Variants in FMN2 observed in about 807,000 individuals in gnomAD.
FMN2 encodes the protein formin 2.
Under a neutral mutation model 142.3 loss-of-function variants are expected in FMN2, and 51 were observed. The ratio of observed to expected loss-of-function variants is 0.36; its 90% confidence interval spans 0.29 to 0.45. FMN2 has a LOEUF of 0.45. Among genes scored for constraint, FMN2 ranks in the 20% least tolerant of loss-of-function variants. FMN2 has a pLI of 1.00. For synonymous variants in FMN2, 882 were observed against 869.8 expected (o/e 1.01, Z -0.25); for missense variants, 1,936 against 2,122.8 (o/e 0.91, Z 1.73).
At chr1:240,442,427 G>A (rs996654164) in intron 16 of FMN2, among the ~76,000 whole-genome samples, 5 of 152,216 alleles carry the variant, frequency 3.3e-5, no homozygotes, top group African/African-American at 1.2e-4. Flanking sequence ...ATGATCAACA[G>A]TTCCCTTCAG....
chr1:240,215,719 CT>C (rs544095532), intron 6 of FMN2, among the ~76,000 whole-genome samples: 4 of 151,758 alleles, frequency 2.6e-5, no homozygotes, highest in Non-Finnish European at 5.9e-5. Context: ...TTCTTTCTTT[CT>C]TTTTTTTAAA....
At chr1:240,289,903 A>T (rs1227563811) in intron 7 of FMN2, among the ~76,000 whole-genome samples, 1 of 152,214 alleles carries the variant, frequency 6.6e-6, no homozygotes, top group Non-Finnish European at 1.5e-5. Context: ...AAACATTCAT[A>T]CAGATAGATT....
chr1:240,138,151 G>A (rs954516528), intron 2 of FMN2, among the ~76,000 whole-genome samples: 2 of 151,810 alleles, frequency 1.3e-5, no homozygotes. Flanking sequence ...TGGAAGAAAC[G>A]TTTAAGAAGT....
intron 1 of FMN2, among the ~76,000 whole-genome samples, chr1:240,116,463 G>C (rs1427750427): frequency 6.6e-6 from 1 of 152,210 alleles, no homozygotes; most frequent in East Asian, 1.9e-4. Context: ...CATTAAAAGG[G>C]ACTTGGGAGA....
chr1:240,093,467 G>A lies in FMN2; in HGVS notation c.1358G>A (p.Arg453Gln), dbSNP rs147961923. Residue 453 changes from arginine (R) to glutamine (Q), a missense_variant, in exon 1 of 18, where the codon CGA (arginine) becomes CAA (glutamine). Coordinates refer to ENST00000319653, the MANE Select transcript of FMN2 (RefSeq NM_020066.5). ...IKRRPEPSLS[R>Q]GSRTALASVA... ...AGGCGGCCGGAACCCTCCCTGAGCC[G>A]AGGGTCCAGAACTGCCCTGGCCTCC... 2.3e-4 allele frequency: 367 copies of A among 1,613,130 alleles called. 1 individual carries two copies. In the African/African-American group the frequency reaches 4.3e-3, roughly 19 times the overall value.
At chr1:240,346,650 A>G (rs1476304350) in intron 13 of FMN2, among the ~76,000 whole-genome samples, 1 of 152,212 alleles carries the variant, frequency 6.6e-6, no homozygotes, top group Non-Finnish European at 1.5e-5. Context: ...TAGTCTTTAC[A>G]TGTAACGTAC....
At chr1:240,108,082 C>T (rs1335060172) in intron 1 of FMN2, among the ~76,000 whole-genome samples, 1 of 152,128 alleles carries the variant, frequency 6.6e-6, no homozygotes, top group African/African-American at 2.4e-5. Context: ...TACCTGGATT[C>T]AGTGAATTTT....
intron 16 of FMN2, among the ~76,000 whole-genome samples, chr1:240,444,901 G>T (rs1301616230): frequency 1.3e-5 from 2 of 152,312 alleles, no homozygotes; most frequent in East Asian, 3.9e-4. Flanking sequence ...TACTCTTATG[G>T]AATAACGTAC....
chr1:240,270,077 G>A (rs1007532337), intron 7 of FMN2, among the ~76,000 whole-genome samples: 2 of 152,108 alleles, frequency 1.3e-5, no homozygotes, highest in Non-Finnish European at 2.9e-5. Flanking sequence ...TTGAACAGAT[G>A]TGGTGAGAGT....
At chr1:240,283,649 T>A (rs977259458) in intron 7 of FMN2, among the ~76,000 whole-genome samples, 8 of 152,166 alleles carry the variant, frequency 5.3e-5, no homozygotes, top group Non-Finnish European at 8.8e-5. Context: ...TTAAAAATCT[T>A]CTTGGAGCGA....
chr1:240,346,415 G>A (rs997392246), intron 13 of FMN2, among the ~76,000 whole-genome samples: 23 of 151,908 alleles, frequency 1.5e-4, no homozygotes, highest in African/African-American at 5.6e-4. Context: ...AATATTTTCC[G>A]ACTGTGCTTA....
chr1:240,096,380 A>C (rs1447253200), intron 1 of FMN2, among the ~76,000 whole-genome samples: 1 of 152,212 alleles, frequency 6.6e-6, no homozygotes, highest in Non-Finnish European at 1.5e-5. Flanking sequence ...TGTTGGCCAG[A>C]GTGAACCAGA....
In FMN2 at chr1:240,473,603, G is replaced by A. The variant is rs1025965971; in HGVS notation, c.5143-525G>A. 6.6e-6 allele frequency among the ~76,000 whole-genome samples: 1 copy of A among 152,154 alleles called. No homozygotes were observed. Among genetic ancestry groups the A allele is most frequent in the Non-Finnish European group, 1.5e-5 (1 of 68,034 alleles). ...GGAATTATATCTTCATTTAGAAGCA[G>A]TGGTGCCTTCAGTTTCTCTGTATCA... On this transcript the variant is annotated intron_variant, in intron 17 of 17. Coordinates refer to ENST00000319653, the MANE Select transcript of FMN2 (RefSeq NM_020066.5). This position sits in a 1 kb window ranked among gnomAD's most constrained non-coding sequence, Gnocchi z 4.3.
chr1:240,271,119 T>G lies in FMN2; in HGVS notation c.4153+13087T>G, dbSNP rs1668998300. 1.4e-5 allele frequency among the ~76,000 whole-genome samples: 2 copies of G among 141,540 alleles called. 1 individual carries two copies. Among genetic ancestry groups the G allele is most frequent in the South Asian group, 4.6e-4 (2 of 4,362 alleles). The allele number at this position is 141,540 out of a possible 152,430, so 92.9% of individuals were successfully genotyped here. A position where few individuals can be genotyped will look rare whatever the true frequency, so the allele number is the denominator to read the frequency against. ...GATGGTTTTTTTTTTTTTTTTTTTG[T>G]GACTCTGTTTGCATGTATTTGGATA... On this transcript the variant is annotated intron_variant, in intron 7 of 17. Transcript: ENST00000319653.
intron 13 of FMN2, among the ~76,000 whole-genome samples, chr1:240,352,835 G>A (rs1399419253): frequency 6.6e-6 from 1 of 152,196 alleles, no homozygotes; most frequent in Non-Finnish European, 1.5e-5. Flanking sequence ...TTCCAGCCAC[G>A]TGAGGCTGTC....
rs756340790 is a variant in FMN2 at position 240,208,485 on chromosome 1, C to T, written c.3673C>T (p.Leu1225Phe). 5 of 1,611,534 alleles carry T rather than the reference C, an allele frequency of 3.1e-6. No individual in the cohort carries two copies. The South Asian group carries it at 5.5e-5, about 18-fold the overall frequency. The change falls in exon 5 of 18, where the codon CTC becomes TTC. Residue 1225 changes from leucine (L) to phenylalanine (F), a missense_variant. By Grantham distance (22) the Leu-to-Phe change is conservative. This residue lies in a region of FMN2 where 259 missense variants were observed against 230.9 expected (regional missense o/e 1.12). Coordinates refer to ENST00000319653, the MANE Select transcript of FMN2 (RefSeq NM_020066.5). ...GATTCCACCTGCTCCAGCTCCCCCACTCCCTCCACCTGGGACAGGAATCCC... is the reference window on the plus strand; with the variant it reads ...GATTCCACCTGCTCCAGCTCCCCCATTCCCTCCACCTGGGACAGGAATCCC... ...MGIPPAPAPP[L>F]PPPGTGIPPP...
At chr1:240,382,161 AT>A (rs1673247052) in intron 14 of FMN2, among the ~76,000 whole-genome samples, 1 of 152,212 alleles carries the variant, frequency 6.6e-6, no homozygotes, top group South Asian at 2.1e-4. Context: ...AAAAATAAAT[AT>A]CATTTCTGTA....
chr1:240,354,629 A>G (rs1453762891), intron 13 of FMN2, among the ~76,000 whole-genome samples: 1 of 152,190 alleles, frequency 6.6e-6, no homozygotes, highest in Non-Finnish European at 1.5e-5. Flanking sequence ...AGATTTTACT[A>G]AGCCCAAAGT....
chr1:240,355,541 G>A (rs1034993417), intron 13 of FMN2, among the ~76,000 whole-genome samples: 5 of 152,112 alleles, frequency 3.3e-5, no homozygotes, highest in Admixed American at 3.3e-4. Context: ...AAGAGACTGA[G>A]ATTTAGAGGT....
Sources: allele counts gnomAD v4.1 joint callset (sites outside exome capture counted in the v4.1 genomes callset), GRCh38; gene constraint gnomAD v4.1.1; regional missense constraint gnomAD v4.1.1; non-coding constraint Gnocchi (gnomAD v3.1); transcripts MANE v1.5; gene names NCBI Gene and HGNC (gene_info 2026-07-23, HGNC 2026-07-21).